Variants in PIGB observed in about 807,000 individuals in gnomAD.
The protein encoded by PIGB is GPI alpha-1,2-mannosyltransferase 3.
Under a neutral mutation model 68.4 loss-of-function variants are expected in PIGB, and 58 were observed. The observed-to-expected ratio is 0.85, with a 90% CI of 0.69 to 1.06. The LOEUF (loss-of-function observed/expected upper bound fraction) is 1.06, where lower values mean the gene tolerates loss of function less well. PIGB is among the 50% of genes least tolerant of loss of function. PIGB has a pLI of 0.00. For synonymous variants in PIGB, 219 were observed against 220.5 expected, an observed-to-expected ratio of 0.99 and a Z score of 0.06; for missense variants, 634 against 655.8, an observed-to-expected ratio of 0.97 and a Z score of 0.36.
intron 1 of PIGB, 66 bp downstream of exon 1, chr15:55,319,479 T>A: frequency 2.4e-6 from 3 of 1,248,874 alleles, no homozygotes; most frequent in East Asian, 5.5e-5. Context: ...TCCATTTCAT[T>A]ACCAGCCAGT....
At chr15:55,321,571 G>A (rs1009577465) in intron 3 of PIGB, among the ~76,000 whole-genome samples, 181 bp downstream of exon 3, 4 of 151,512 alleles carry the variant, frequency 2.6e-5, no homozygotes, top group Non-Finnish European at 5.9e-5. Flanking sequence ...CTGCTATGAG[G>A]AATCCTGTTA....
intron 9 of PIGB, 131 bp from the exon 10 acceptor site, chr15:55,350,568 T>C: frequency 4.4e-6 from 3 of 676,082 alleles, no homozygotes; most frequent in Non-Finnish European, 7.8e-6. Context: ...ATATGACTTA[T>C]TGCTTATTTC....
chr15:55,342,917 A>G (rs2055704302), intron 9 of PIGB, among the ~76,000 whole-genome samples: 1 of 152,204 alleles, frequency 6.6e-6, no homozygotes, highest in Non-Finnish European at 1.5e-5. Context: ...CTTCCTTCAA[A>G]TATTAAGACC....
chr15:55,319,227 G>C lies in PIGB; in HGVS notation c.-24G>C. ...CAGCGCGCTACTGCAGCTTTCTTCC[G>C]CCTTAGGAAGGTGGCGGCCAGGGAT... On this transcript the variant is annotated 5_prime_UTR_variant, in exon 1 of 12. Coordinates refer to ENST00000164305, the MANE Select transcript of PIGB (RefSeq NM_004855.5). 6.3e-7 allele frequency: 1 copy of C among 1,592,650 alleles called. No individual in the cohort carries two copies. Among genetic ancestry groups the C allele is most frequent in the African/African-American group, 1.3e-5 (1 of 74,736 alleles).
chr15:55,320,497 C>T (rs2055139018), intron 2 of PIGB, 87 bp downstream of exon 2: 10 of 1,243,944 alleles, frequency 8.0e-6, no homozygotes, highest in Non-Finnish European at 1.1e-5. Context: ...GTCCCCCTTG[C>T]TCCCTCGTCT....
At chr15:55,352,988 C>T (rs577070301) in intron 10 of PIGB, among the ~76,000 whole-genome samples, 8 of 152,278 alleles carry the variant, frequency 5.3e-5, no homozygotes, top group Admixed American at 3.9e-4. Flanking sequence ...AAAAGGAAGA[C>T]ATCAAGTATC....
intron 9 of PIGB, among the ~76,000 whole-genome samples, chr15:55,344,052 C>G (rs2055734111): frequency 6.6e-6 from 1 of 152,218 alleles, no homozygotes; most frequent in Non-Finnish European, 1.5e-5. Context: ...AAATTTCAGC[C>G]TTATTCTGCT....
intron 2 of PIGB, among the ~76,000 whole-genome samples, chr15:55,320,960 G>A (rs1446637097): frequency 6.6e-6 from 1 of 152,076 alleles, no homozygotes; most frequent in Admixed American, 6.6e-5. Flanking sequence ...TTAGCACTTG[G>A]AGGATACAGA....
chr15:55,350,925 G>A lies in PIGB; in HGVS notation c.1337+13G>A, dbSNP rs1432708740. 1 of 1,354,880 alleles carries A rather than the reference G, an allele frequency of 7.4e-7. No homozygotes were observed. The highest frequency in any genetic ancestry group is 1.0e-6 in the Non-Finnish European group (1 of 953,452). The allele number at this position is 1,354,880 out of a possible 1,614,324, so 83.9% of individuals were successfully genotyped here. On this transcript the variant is annotated intron_variant, in intron 10 of 11. Transcript: ENST00000164305. The stretch of plus-strand genomic sequence containing the variant: ...CTCCTTATTACAGGTAATAAAAGAT[G>A]TTCCACTATATGCTGTTAAGAAACT...
At chr15:55,328,057 C>T (rs970181152) in intron 4 of PIGB, among the ~76,000 whole-genome samples, 1 of 152,176 alleles carries the variant, frequency 6.6e-6, no homozygotes, top group Admixed American at 6.5e-5. Context: ...TCTTTTTGCA[C>T]TGAAACTCTC....
At chr15:55,343,726 CT>C (rs1022232464) in intron 9 of PIGB, among the ~76,000 whole-genome samples, 6 of 152,296 alleles carry the variant, frequency 3.9e-5, no homozygotes, top group African/African-American at 1.4e-4. Flanking sequence ...CATCCTCTGT[CT>C]ACTTAGAAGG....
chr15:55,333,629 T>C (rs1027329785), intron 5 of PIGB, among the ~76,000 whole-genome samples: 5 of 152,070 alleles, frequency 3.3e-5, no homozygotes, highest in Non-Finnish European at 7.4e-5. Context: ...CTACTCGGGA[T>C]GCTGAGGCAG....
At chr15:55,328,742 C>T (rs1218956517) in intron 4 of PIGB, among the ~76,000 whole-genome samples, 3 of 152,060 alleles carry the variant, frequency 2.0e-5, no homozygotes, top group Non-Finnish European at 2.9e-5. Flanking sequence ...CTGAGGTGGG[C>T]GGATCACAAG....
rs2055651157 is a variant in PIGB, at chr15:55,340,760, A to G, written c.995A>G (p.Tyr332Cys). 10 of 1,611,296 alleles carry G rather than the reference A, an allele frequency of 6.2e-6. No individual in the cohort carries two copies. The highest frequency in any genetic ancestry group is 8.5e-6 in the Non-Finnish European group (10 of 1,178,538). ...THLPFFIHGC[Y>C]LAPKRYRILL... Reference sequence around the variant, plus strand: ...TTACCCTTCTTTATTCATGGCTGCTATCTAGCACCAAAGAGATACCGGATA... The same window carrying G: ...TTACCCTTCTTTATTCATGGCTGCTGTCTAGCACCAAAGAGATACCGGATA... The change falls in exon 8 of 12, where the codon TAT (tyrosine) becomes TGT (cysteine). Residue 332 changes from tyrosine (Y) to cysteine (C), a missense_variant. Tyr to Cys is a radical substitution (Grantham distance 194). Transcript: ENST00000164305.
chr15:55,355,618 G>A lies in PIGB; in HGVS notation c.*186G>A. 2.4e-6 allele frequency: 1 copy of A among 420,262 alleles called. No individual in the cohort carries two copies. The highest frequency in any genetic ancestry group is 6.6e-5 in the South Asian group (1 of 15,144). The allele number at this position is 420,262 out of a possible 1,614,324, so 26.0% of individuals were successfully genotyped here. A position where few individuals can be genotyped will look rare whatever the true frequency, so the allele number is the denominator to read the frequency against. ...AAAATTACATGTTAATACAATGCCAGATTTTAAATAAAGACCTTTAGTTTT... is the reference window on the plus strand; with the variant it reads ...AAAATTACATGTTAATACAATGCCAAATTTTAAATAAAGACCTTTAGTTTT... On this transcript the variant is annotated 3_prime_UTR_variant, in exon 12 of 12. Transcript: ENST00000164305.
At position 55,354,921 on chromosome 15, in the gene PIGB, G is replaced by A; in HGVS notation, c.1461G>A (p.Glu487=). The change falls in exon 11 of 12, where the codon GAG becomes GAA. Residue 487 remains glutamate, a synonymous_variant. Transcript: ENST00000164305. The part of the protein sequence containing the change: ...YLNPLNWLHR[E]FHDDASLPTH... ...ATCCCTTAAACTGGTTACATAGAGAGTTTCATGATGATGCATCATTGCCTA... is the reference window on the plus strand; with the variant it reads ...ATCCCTTAAACTGGTTACATAGAGAATTTCATGATGATGCATCATTGCCTA... 1 of 1,613,332 alleles carries A rather than the reference G, an allele frequency of 6.2e-7. No homozygotes were observed. Among genetic ancestry groups the A allele is most frequent in the Non-Finnish European group, 8.5e-7 (1 of 1,179,560 alleles).
Position 55,321,382 on chromosome 15 carries a change from C to A in PIGB, c.409C>A (p.Gln137Lys). The A allele has an allele frequency of 6.3e-7, 1 of 1,594,702 alleles. No homozygotes were observed. The highest frequency in any genetic ancestry group is 1.1e-5 in the South Asian group (1 of 87,132). ...TCATCTTTTAGGGAAAGATAGTGTT[C>A]AGTTGCTGGTAAGTTTAAATAAAAG... ...ILHLLGKDSV[Q>K]LLIWIPRLAQ... Residue 137 changes from glutamine (Q) to lysine (K), a missense_variant, in exon 3 of 12, where the codon CAG becomes AAG. By Grantham distance (53) the Gln-to-Lys change is moderately conservative. Transcript: ENST00000164305.
At chr15:55,326,635 G>A (rs1317406690) in intron 3 of PIGB, among the ~76,000 whole-genome samples, 2 of 152,140 alleles carry the variant, frequency 1.3e-5, no homozygotes, top group African/African-American at 4.8e-5. Flanking sequence ...GGGAGGCCGA[G>A]GCGGGTGGAT....
chr15:55,345,249 A>C (rs1475205849), intron 9 of PIGB, among the ~76,000 whole-genome samples: 1 of 151,620 alleles, frequency 6.6e-6, no homozygotes, highest in Non-Finnish European at 1.5e-5. Flanking sequence ...GACATTCCAC[A>C]AGGAATTAAA....
Sources: allele counts gnomAD v4.1 joint callset (sites outside exome capture counted in the v4.1 genomes callset), GRCh38; gene constraint gnomAD v4.1.1; transcripts MANE v1.5; gene names NCBI Gene and HGNC (gene_info 2026-07-23, HGNC 2026-07-21).